Variants in CATSPERE observed in about 807,000 individuals in gnomAD.
CATSPERE encodes the protein cation channel sperm-associated auxiliary subunit epsilon.
A neutral mutation model predicts 114.1 loss-of-function variants in CATSPERE; 93 were observed. The ratio of observed to expected loss-of-function variants is 0.81; its 90% confidence interval spans 0.69 to 0.97. The LOEUF is 0.97. CATSPERE is among the 50% of genes least tolerant of loss of function. The pLI is 0.00. For synonymous variants in CATSPERE, 341 were observed against 384.1 expected (o/e 0.89, Z 1.31); for missense variants, 1,058 against 1,131.6 (o/e 0.93, Z 0.93).
rs1483032272 is a variant in CATSPERE at position 244,541,310 on chromosome 1, G to GA, written c.537-11005dup. On this transcript the variant is annotated intron_variant, in intron 8 of 21. Transcript: ENST00000366534. ...ACAATGAACTCAAACAAATTTACAAGAAAAAAACAAACAACCCCATCAAAA... is the reference window on the plus strand; with the variant it reads ...ACAATGAACTCAAACAAATTTACAAGAAAAAAAACAAACAACCCCATCAAAA... 4.7e-5 allele frequency among the ~76,000 whole-genome samples: 7 copies of GA among 148,234 alleles called. 1 individual carries two copies. The South Asian group carries it at 1.5e-3, about 32-fold the overall frequency.
Position 244,561,031 on chromosome 1 carries a change from A to T in CATSPERE, c.1393A>T (p.Ser465Cys). The T allele has an allele frequency of 6.2e-7, 1 of 1,612,520 alleles. No homozygotes were observed. The highest frequency in any genetic ancestry group is 1.1e-5 in the South Asian group (1 of 91,052). Residue 465 changes from serine (S) to cysteine (C), a missense_variant, in exon 10 of 22, where the codon AGT becomes TGT. Around this residue, in one of 2 missense-constraint regions of CATSPERE, gnomAD observed 787 missense variants for 905.6 expected, o/e 0.87. Transcript: ENST00000366534. Reference protein sequence around the residue: ...LPGLLLWNKHSIYYCYHNFTF... With the variant: ...LPGLLLWNKHCIYYCYHNFTF... The stretch of plus-strand genomic sequence containing the variant: ...AGGATTACTGCTATGGAACAAGCAT[A>T]GTATCTACTATTGTTACCATAATTT...
chr1:244,617,061 CTG>C (rs1222778838), intron 19 of CATSPERE, among the ~76,000 whole-genome samples: 5 of 152,084 alleles, frequency 3.3e-5, no homozygotes, highest in African/African-American at 1.2e-4. Flanking sequence ...CTTGTTTCAT[CTG>C]TGTTTTTAAA....
chr1:244,526,430 AGAAAAT>A (rs1678614347), intron 8 of CATSPERE, among the ~76,000 whole-genome samples: 1 of 151,992 alleles, frequency 6.6e-6, no homozygotes, highest in Admixed American at 6.6e-5. Context: ...AAAAAGGAAA[AGAAAAT>A]AATTTCTTAC....
intron 8 of CATSPERE, among the ~76,000 whole-genome samples, chr1:244,534,375 C>T (rs1211615433): frequency 8.5e-5 from 13 of 152,108 alleles, no homozygotes; most frequent in Admixed American, 8.5e-4. Flanking sequence ...GTCTCTACCT[C>T]CTCTTTTAGG....
intron 10 of CATSPERE, among the ~76,000 whole-genome samples, chr1:244,566,168 C>T (rs376560467): frequency 1.3e-5 from 2 of 152,184 alleles, no homozygotes; most frequent in South Asian, 4.1e-4. Context: ...AATTTGATTG[C>T]ACTGTGGTCT....
At position 244,617,589 on chromosome 1, in the gene CATSPERE, G is replaced by C; in HGVS notation, c.2551G>C (p.Glu851Gln). 1.3e-6 allele frequency: 2 copies of C among 1,542,876 alleles called. No individual in the cohort carries two copies. The highest frequency in any genetic ancestry group is 2.4e-5 in the South Asian group (2 of 82,082). ...GKPGDLNQPY[E>Q]IINSSNGNHI... ...ACCAGGAGACTTAAATCAACCATAC[G>C]AGATTATCAACAGTTCTAATGGTAA... is the stretch of plus-strand genomic sequence containing the variant. Residue 851 changes from glutamate (E) to glutamine (Q), a missense_variant, in exon 20 of 22, where the codon GAG (glutamate) becomes CAG (glutamine). By Grantham distance (29) the Glu-to-Gln change is conservative. Transcript: ENST00000366534.
intron 14 of CATSPERE, among the ~76,000 whole-genome samples, chr1:244,589,085 A>C (rs1424323030): frequency 6.6e-6 from 1 of 152,124 alleles, no homozygotes; most frequent in Non-Finnish European, 1.5e-5. Context: ...AGCACGTTGG[A>C]CTCTGTGTCT....
intron 6 of CATSPERE, among the ~76,000 whole-genome samples, chr1:244,491,419 AG>A (rs1402187177): frequency 3.9e-5 from 6 of 152,072 alleles, no homozygotes; most frequent in Non-Finnish European, 7.4e-5. Flanking sequence ...ACAACATACC[AG>A]AATCTCTGGG....
intron 5 of CATSPERE, among the ~76,000 whole-genome samples, chr1:244,484,736 T>C (rs1484394814): frequency 1.3e-5 from 2 of 152,212 alleles, no homozygotes; most frequent in South Asian, 2.1e-4. Context: ...ATTTCTTTGC[T>C]CAACAATGCT....
intron 20 of CATSPERE, among the ~76,000 whole-genome samples, chr1:244,625,352 T>G (rs1303311241): frequency 3.6e-5 from 2 of 54,952 alleles, no homozygotes; most frequent in East Asian, 7.3e-4. Context: ...TTTTGTTTTT[T>G]GGGGGGGTTT....
intron 15 of CATSPERE, among the ~76,000 whole-genome samples, chr1:244,592,950 G>A (rs75275076): frequency 0.048 from 7,303 of 152,084 alleles, 255 homozygotes; most frequent in Non-Finnish European, 0.068. Context: ...GTTCATGAAC[G>A]TGAAGCATTC....
At chr1:244,455,944 A>G (rs1262791596) in intron 1 of CATSPERE, among the ~76,000 whole-genome samples, 1 of 152,214 alleles carries the variant, frequency 6.6e-6, no homozygotes, top group African/African-American at 2.4e-5. Context: ...TCATTCTGAG[A>G]GAGCTTTGGT....
At chr1:244,616,642 C>A (rs551100869) in intron 19 of CATSPERE, among the ~76,000 whole-genome samples, 1 of 152,166 alleles carries the variant, frequency 6.6e-6, no homozygotes, top group Non-Finnish European at 1.5e-5. Flanking sequence ...GAACCCACTC[C>A]GTGACAACGG....
intron 10 of CATSPERE, among the ~76,000 whole-genome samples, chr1:244,565,752 AT>A (rs1223885628): frequency 1.3e-5 from 2 of 151,330 alleles, no homozygotes; most frequent in Non-Finnish European, 2.9e-5. Context: ...AGATTCATAG[AT>A]TTCAAGATTC....
At chr1:244,581,340 T>G (rs370829052) in intron 11 of CATSPERE, among the ~76,000 whole-genome samples, 121 of 152,348 alleles carry the variant, frequency 7.9e-4, no homozygotes, top group African/African-American at 2.8e-3. Context: ...TTGGTCTGTT[T>G]CTATTTGGAG....
At chr1:244,487,325 C>T (rs1671259557) in intron 5 of CATSPERE, among the ~76,000 whole-genome samples, 1 of 152,040 alleles carries the variant, frequency 6.6e-6, no homozygotes, top group Admixed American at 6.5e-5. Flanking sequence ...CACAGCCCAC[C>T]AGCCGCCATA....
chr1:244,625,424 A>ATTTTTTTTTTTTTTTTTT (rs1281579567), intron 20 of CATSPERE, among the ~76,000 whole-genome samples: 3 of 3,944 alleles, frequency 7.6e-4, no homozygotes, highest in Non-Finnish European at 2.1e-3. Flanking sequence ...ATATATATAT[A>ATTTTTTTTTTTTTTTTTT]TATATATATT....
chr1:244,479,800 C>T lies in CATSPERE; in HGVS notation c.326+16C>T, dbSNP rs1669973134. On this transcript the variant is annotated intron_variant, in intron 5 of 21. Coordinates refer to ENST00000366534, the MANE Select transcript of CATSPERE (RefSeq NM_001130957.2). ...ATAGAGTTAGGTAAGTAATGCAGTACTGAATAGGTAATTATGCTTTTAAAG... is the reference window on the plus strand; with the variant it reads ...ATAGAGTTAGGTAAGTAATGCAGTATTGAATAGGTAATTATGCTTTTAAAG... The T allele has an allele frequency of 7.2e-7, 1 of 1,398,006 alleles. No individual in the cohort carries two copies. Among genetic ancestry groups the T allele is most frequent in the South Asian group, 1.3e-5 (1 of 75,314 alleles). 86.6% of individuals were successfully genotyped at this position (1,398,006 alleles called of 1,614,324 possible).
At chr1:244,471,673 T>G (rs1668498324) in intron 2 of CATSPERE, among the ~76,000 whole-genome samples, 1 of 152,234 alleles carries the variant, frequency 6.6e-6, no homozygotes, top group Admixed American at 6.5e-5. Context: ...TTCACTTGGC[T>G]TAGTGCTTTC....
Sources: allele counts gnomAD v4.1 joint callset (sites outside exome capture counted in the v4.1 genomes callset), GRCh38; gene constraint gnomAD v4.1.1; regional missense constraint gnomAD v4.1.1; transcripts MANE v1.5; gene names NCBI Gene and HGNC (gene_info 2026-07-23, HGNC 2026-07-21).